Variants in CHD9 observed in about 807,000 individuals in gnomAD.
The protein encoded by CHD9 is ATP-dependent chromatin remodeler CHD9.
A neutral mutation model predicts 316.1 loss-of-function variants in CHD9; 77 were observed. The ratio of observed to expected loss-of-function variants is 0.24; its 90% CI spans 0.20 to 0.29. The LOEUF (loss-of-function observed/expected upper bound fraction) is 0.29. Among genes scored for constraint, CHD9 ranks in the 10% least tolerant of loss-of-function variants. The pLI is 1.00. For synonymous variants in CHD9, 1,129 were observed against 1,158.3 expected (o/e 0.97, Z 0.51); for missense variants, 2,763 against 3,438.1 (o/e 0.80, Z 4.91).
intron 1 of CHD9, among the ~76,000 whole-genome samples, chr16:53,132,435 A>C (rs2039395978): frequency 6.6e-6 from 1 of 152,226 alleles, no homozygotes; most frequent in African/African-American, 2.4e-5. Context: ...AACGAAAAGA[A>C]GGCTTATCTT....
intron 2 of CHD9, among the ~76,000 whole-genome samples, chr16:53,172,336 C>T (rs1198308176): frequency 6.6e-6 from 1 of 152,162 alleles, no homozygotes; most frequent in African/African-American, 2.4e-5. Flanking sequence ...TTTTGAGGTT[C>T]ACCCAGTCAT....
chr16:53,117,329 G>A (rs1198330534), intron 1 of CHD9, among the ~76,000 whole-genome samples: 1 of 152,008 alleles, frequency 6.6e-6, no homozygotes, highest in Non-Finnish European at 1.5e-5. Flanking sequence ...GATATTCAGA[G>A]GATTTGTGCT....
At chr16:53,055,711 T>A (rs1245340876) in intron 1 of CHD9, among the ~76,000 whole-genome samples, 1 of 152,164 alleles carries the variant, frequency 6.6e-6, no homozygotes, top group African/African-American at 2.4e-5. Flanking sequence ...TCCTTTCTCA[T>A]GTGCCTTTTA....
At position 53,167,577 on chromosome 16, in the gene CHD9, A is replaced by G. The variant is rs564791821; in HGVS notation, c.1452+10036A>G. On this transcript the variant is annotated intron_variant, in intron 2 of 38. Transcript: ENST00000447540. ...ATTTACAAACAAAAAATTAATTTTC[A>G]TTCTACTTAAAGAAGGTGTTCCTCT... is the stretch of plus-strand genomic sequence containing the variant. Among the ~76,000 whole-genome samples, 10 of 151,542 alleles carry G rather than the reference A, an allele frequency of 6.6e-5. No homozygotes were observed. In the South Asian group the frequency reaches 1.9e-3, roughly 28 times the overall value.
At chr16:53,144,029 A>T (rs2040364167) in intron 1 of CHD9, among the ~76,000 whole-genome samples, 1 of 152,166 alleles carries the variant, frequency 6.6e-6, no homozygotes, top group Non-Finnish European at 1.5e-5. Flanking sequence ...GTGGGGGGAA[A>T]AATATGATAT....
intron 1 of CHD9, among the ~76,000 whole-genome samples, chr16:53,154,381 C>T (rs2041353896): frequency 1.3e-5 from 2 of 152,158 alleles, no homozygotes; most frequent in South Asian, 4.1e-4. Context: ...ATCACTTAAT[C>T]ATTGTATCAA....
rs112565318 is a variant in CHD9 at position 53,090,565 on chromosome 16, T to C, written c.-165+35488T>C. 3.0e-3 allele frequency among the ~76,000 whole-genome samples: 453 copies of C among 152,332 alleles called. 5 individuals carry two copies. Among genetic ancestry groups the C allele is most frequent in the African/African-American group, 0.01 (418 of 41,584 alleles). ...GATCACGTGTATGACGGTCCTGGCA[T>C]ACAGTAATCGCTCAGTAAAGGCTGT... On this transcript the variant is annotated intron_variant, in intron 1 of 38. Transcript: ENST00000447540.
chr16:53,320,288 A>G (rs1567687562), intron 37 of CHD9, among the ~76,000 whole-genome samples: 3 of 152,052 alleles, frequency 2.0e-5, no homozygotes, highest in Non-Finnish European at 4.4e-5. Context: ...TGGGAGGCCA[A>G]GGTGGGTGGA....
chr16:53,157,233 G>A lies in CHD9; in HGVS notation c.1144G>A (p.Gly382Ser). 6.2e-7 allele frequency: 1 copy of A among 1,600,450 alleles called. No homozygotes were observed. The highest frequency in any genetic ancestry group is 1.1e-5 in the South Asian group (1 of 89,422). ...TTTCAATGATCATGTAGAAACTAAT[G>A]GCTTTTCATCTTTAGAAGAGAATTT... ...GHFNDHVETN[G>S]FSSLEENLLH... The change falls in exon 2 of 39, where the codon GGC (glycine) becomes AGC (serine). Residue 382 changes from glycine to serine, a missense_variant. Physicochemically the swap from Gly to Ser is moderately conservative, Grantham distance 56. This residue lies in a region of CHD9 where 859 missense variants were observed against 890.4 expected (regional missense o/e 0.96). Coordinates refer to ENST00000447540, the MANE Select transcript of CHD9 (RefSeq NM_001308319.2).
At chr16:53,134,164 G>C (rs2039547173) in intron 1 of CHD9, among the ~76,000 whole-genome samples, 1 of 152,140 alleles carries the variant, frequency 6.6e-6, no homozygotes, top group Non-Finnish European at 1.5e-5. Flanking sequence ...AAAAACACAG[G>C]TAAGAATATG....
intron 3 of CHD9, among the ~76,000 whole-genome samples, chr16:53,219,095 G>A (rs181357997): frequency 1.3e-5 from 2 of 152,192 alleles, no homozygotes; most frequent in East Asian, 3.9e-4. Flanking sequence ...CTGGAAGCTG[G>A]CTACACAGAT....
At chr16:53,075,286 A>G (rs1262176498) in intron 1 of CHD9, among the ~76,000 whole-genome samples, 1 of 152,120 alleles carries the variant, frequency 6.6e-6, no homozygotes, top group African/African-American at 2.4e-5. Flanking sequence ...AGGCTCATAG[A>G]CAGAAGGGAC....
chr16:53,310,126 C>T lies in CHD9; in HGVS notation c.7222+1272C>T, dbSNP rs543305117. ...TAAATTAGTTTAGCTTCATCAGCAT[C>T]AGTTTGGTCTCTTGTGGATTCATTA... On this transcript the variant is annotated intron_variant, in intron 34 of 38. Transcript: ENST00000447540. Among the ~76,000 whole-genome samples, 10 of 152,348 alleles carry T rather than the reference C, an allele frequency of 6.6e-5. No individual in the cohort carries two copies. The South Asian group carries it at 1.9e-3, about 28-fold the overall frequency.
At chr16:53,186,530 A>C (rs2044024861) in intron 2 of CHD9, among the ~76,000 whole-genome samples, 1 of 152,148 alleles carries the variant, frequency 6.6e-6, no homozygotes, top group Admixed American at 6.5e-5. Context: ...CTGAAATAAG[A>C]CTTCGAGGGA....
chr16:53,088,215 C>G (rs1357409595), intron 1 of CHD9, among the ~76,000 whole-genome samples: 1 of 151,374 alleles, frequency 6.6e-6, no homozygotes, highest in African/African-American at 2.4e-5. Flanking sequence ...CTCATTGACC[C>G]TGATTGGGTC....
intron 1 of CHD9, among the ~76,000 whole-genome samples, chr16:53,061,847 T>G (rs1012448725): frequency 2.0e-5 from 3 of 152,360 alleles, no homozygotes; most frequent in East Asian, 1.9e-4. Flanking sequence ...GCACCCATAG[T>G]GTCTCCAACA....
intron 2 of CHD9, among the ~76,000 whole-genome samples, chr16:53,203,236 A>C (rs1219536925): frequency 6.6e-6 from 1 of 152,238 alleles, no homozygotes; most frequent in Non-Finnish European, 1.5e-5. Flanking sequence ...ATTTAAGAGA[A>C]GTAAAATGCC....
chr16:53,104,059 C>T (rs938415902), intron 1 of CHD9, among the ~76,000 whole-genome samples: 2 of 152,200 alleles, frequency 1.3e-5, no homozygotes, highest in African/African-American at 2.4e-5. Flanking sequence ...CTGGTTTGCT[C>T]TGGTCGTGGA....
At chr16:53,183,233 T>G (rs2043679621) in intron 2 of CHD9, among the ~76,000 whole-genome samples, 2 of 152,234 alleles carry the variant, frequency 1.3e-5, no homozygotes, top group Non-Finnish European at 2.9e-5. Context: ...CGTATTTGTT[T>G]CTTTCCTTTT....
Sources: gnomAD v4.1 joint callset for allele counts (sites outside exome capture counted in the v4.1 genomes callset) on GRCh38, gnomAD v4.1.1 for gene constraint, gnomAD v4.1.1 regional missense constraint, MANE v1.5 for transcripts, NCBI Gene and HGNC (gene_info 2026-07-23, HGNC 2026-07-21) for gene names.